The following NPHP1 variants were observed in gnomAD, a reference collection of about 807,000 sequenced individuals.
NPHP1 encodes the protein nephrocystin 1.
A neutral mutation model predicts 90.4 loss-of-function variants in NPHP1; 70 were observed. The ratio of observed to expected loss-of-function variants is 0.77; its 90% CI spans 0.64 to 0.95. The LOEUF (loss-of-function observed/expected upper bound fraction) is 0.95, where lower values mean the gene tolerates loss of function less well. Ranked by LOEUF, NPHP1 falls within the 40% of genes least tolerant of loss-of-function variation. The pLI, the probability that NPHP1 is intolerant of heterozygous loss-of-function variation, is 0.00. For missense variants in NPHP1, 764 were observed against 795.9 expected (o/e 0.96, Z 0.48); for synonymous variants, 256 against 271.7 (o/e 0.94, Z 0.57).
chr2:110,147,826 G>C, intron 13 of NPHP1, 90 bp downstream of exon 13: 1 of 781,020 alleles, frequency 1.3e-6, no homozygotes, highest in Non-Finnish European at 2.3e-6. Flanking sequence ...TACACATAAA[G>C]ACTTCAAGGA....
Position 110,161,061 on chromosome 2 carries a change from G to A in NPHP1, c.954+542C>T, listed in dbSNP as rs562023853. ...TAGGCCTGTGGCCCCAGCTACTCAG[G>A]AAGCTGAAGTGGGAGGGTCGCTTGA... On this transcript the variant is annotated intron_variant, in intron 10 of 19. Coordinates refer to ENST00000445609, the MANE Select transcript of NPHP1 (RefSeq NM_001128178.3). 4.1e-4 allele frequency among the ~76,000 whole-genome samples: 62 copies of A among 152,152 alleles called. No homozygotes were observed. The South Asian group carries it at 0.012, about 31-fold the overall frequency.
At chr2:110,168,653 ATC>A in intron 5 of NPHP1, 100 bp from the exon 6 acceptor site, 1 of 814,498 alleles carries the variant, frequency 1.2e-6, no homozygotes, top group South Asian at 1.5e-5. Flanking sequence ...AAAAGGCAAA[ATC>A]TTTTTTTAAT....
At chr2:110,162,967 G>T in intron 9 of NPHP1, 81 bp downstream of exon 9, 1 of 886,446 alleles carries the variant, frequency 1.1e-6, no homozygotes, top group East Asian at 2.4e-5. Flanking sequence ...TCAACAATGT[G>T]TTTTGCCTGT....
At chr2:110,194,927 T>C (rs187257871) in intron 2 of NPHP1, among the ~76,000 whole-genome samples, 3 of 152,064 alleles carry the variant, frequency 2.0e-5, no homozygotes, top group Non-Finnish European at 4.4e-5. Context: ...TCTCAATAGA[T>C]GCAGAAAAGG....
rs556813753 is a variant in NPHP1 at position 110,131,918 on chromosome 2, A to G, written c.1530-127T>C. 33 of 656,458 alleles carry G rather than the reference A, an allele frequency of 5.0e-5. No individual in the cohort carries two copies. In the African/African-American group the frequency reaches 6.0e-4, roughly 12 times the overall value. 40.7% of individuals were successfully genotyped at this position (656,458 alleles called of 1,614,324 possible). ...TCATTACTGGAACACATTTTTAACTATTTAAAGAAAAATTTCTACTACAAG... is the reference window on the plus strand; with the variant it reads ...TCATTACTGGAACACATTTTTAACTGTTTAAAGAAAAATTTCTACTACAAG... On this transcript the variant is annotated intron_variant, in intron 16 of 19. Transcript: ENST00000445609.
Position 110,205,009 on chromosome 2 carries a change from A to T in NPHP1, c.-41T>A, listed in dbSNP as rs773151782. 7.0e-5 allele frequency: 113 copies of T among 1,608,756 alleles called. 1 individual carries two copies. The Admixed American group carries it at 1.9e-3, about 26-fold the overall frequency. On this transcript the variant is annotated 5_prime_UTR_variant, in exon 1 of 20. Transcript: ENST00000445609. ...GCTCTGATTGCTCCAGTTGCCAGGG[A>T]AACCAACCGGCGGCGCCAGAAGGTG...
At chr2:110,161,161 G>T (rs1235833848) in intron 10 of NPHP1, among the ~76,000 whole-genome samples, 2 of 152,084 alleles carry the variant, frequency 1.3e-5, no homozygotes, top group African/African-American at 2.4e-5. Flanking sequence ...GGGAGACCCT[G>T]TCTCAAAAAT....
At chr2:110,143,477 G>T in intron 16 of NPHP1, 65 bp downstream of exon 16, 1 of 1,094,494 alleles carries the variant, frequency 9.1e-7, no homozygotes, top group Non-Finnish European at 1.4e-6. Context: ...AAAGCCAAAA[G>T]CAGAGATGGT....
chr2:110,179,848 G>A (rs1683765933), intron 2 of NPHP1, among the ~76,000 whole-genome samples, 164 bp from the exon 3 acceptor site: 1 of 152,114 alleles, frequency 6.6e-6, no homozygotes, highest in South Asian at 2.1e-4. Flanking sequence ...TAGCTCAGAT[G>A]ATCCTCATAG....
intron 12 of NPHP1, among the ~76,000 whole-genome samples, chr2:110,148,755 T>C (rs996374365): frequency 6.6e-6 from 1 of 152,204 alleles, no homozygotes; most frequent in African/African-American, 2.4e-5. Flanking sequence ...ACCACTGTTC[T>C]TCATAAACAG....
At chr2:110,175,234 C>T (rs1683425087) in intron 4 of NPHP1, among the ~76,000 whole-genome samples, 1 of 152,046 alleles carries the variant, frequency 6.6e-6, no homozygotes, top group Non-Finnish European at 1.5e-5. Flanking sequence ...TTTTGCTTTA[C>T]ATAATTGAGT....
chr2:110,153,516 A>G (rs2104517703), intron 11 of NPHP1, among the ~76,000 whole-genome samples: 1 of 152,334 alleles, frequency 6.6e-6, no homozygotes, highest in East Asian at 1.9e-4. Flanking sequence ...GGGAAAGTAA[A>G]GAACTAAAGG....
At chr2:110,139,334 A>C (rs1680458317) in intron 16 of NPHP1, among the ~76,000 whole-genome samples, 1 of 152,148 alleles carries the variant, frequency 6.6e-6, no homozygotes, top group Non-Finnish European at 1.5e-5. Flanking sequence ...GTTTATACAC[A>C]TGCTTTTGGT....
Position 110,161,584 on chromosome 2 carries a change from T to C in NPHP1, c.954+19A>G, listed in dbSNP as rs763644910. ...AAATCTGGAAGAGTTACACTTTTACTGATAGTAACTATACTTACAGTGCCT... is the reference window on the plus strand; with the variant it reads ...AAATCTGGAAGAGTTACACTTTTACCGATAGTAACTATACTTACAGTGCCT... On this transcript the variant is annotated intron_variant, in intron 10 of 19. Coordinates refer to ENST00000445609, the MANE Select transcript of NPHP1 (RefSeq NM_001128178.3). The C allele has an allele frequency of 1.4e-6, 2 of 1,480,280 alleles. No individual in the cohort carries two copies. Among genetic ancestry groups the C allele is most frequent in the Non-Finnish European group, 1.9e-6 (2 of 1,060,490 alleles). 91.7% of individuals were successfully genotyped at this position (1,480,280 alleles called of 1,614,324 possible). A position where few individuals can be genotyped will look rare whatever the true frequency, so the allele number is the denominator to read the frequency against.
At position 110,175,307 on chromosome 2, in the gene NPHP1, C is replaced by T. The variant is rs572636364; in HGVS notation, c.329+3116G>A. On this transcript the variant is annotated intron_variant, in intron 4 of 19. Coordinates refer to ENST00000445609, the MANE Select transcript of NPHP1 (RefSeq NM_001128178.3). ...TTATATGTACCCACGTACCCATCTT[C>T]TTCAATCCTTTTTGAAGGTCCAAAT... 1.9e-4 allele frequency among the ~76,000 whole-genome samples: 29 copies of T among 152,262 alleles called. No individual in the cohort carries two copies. In the Middle Eastern group the frequency reaches 0.01, roughly 54 times the overall value.
intron 2 of NPHP1, chr2:110,184,021 C>G: frequency 2.3e-6 from 1 of 437,388 alleles, no homozygotes. Flanking sequence ...GCAGACCCAA[C>G]TGGTAGTTCC....
At chr2:110,167,398 A>G (rs1422241572) in intron 6 of NPHP1, among the ~76,000 whole-genome samples, 3 of 152,090 alleles carry the variant, frequency 2.0e-5, no homozygotes, top group Non-Finnish European at 4.4e-5. Context: ...TGAGTTAATC[A>G]CCAATTGCTA....
chr2:110,135,197 T>C (rs1021709453), intron 16 of NPHP1, among the ~76,000 whole-genome samples: 10 of 151,884 alleles, frequency 6.6e-5, no homozygotes, highest in Admixed American at 2.0e-4. Context: ...CATCAAAAAA[T>C]AGTCAGAAAT....
In NPHP1 at chr2:110,173,077, G is replaced by A. The variant is rs565896445; in HGVS notation, c.330-3079C>T. Among the ~76,000 whole-genome samples, 4 of 149,942 alleles carry A rather than the reference G, an allele frequency of 2.7e-5. No homozygotes were observed. In the East Asian group the frequency reaches 5.9e-4, roughly 22 times the overall value. The stretch of plus-strand genomic sequence containing the variant: ...GGGTTCAAGCGATTCTCCTGCCTCC[G>A]ACTCCCGAGTAGCTGGGACTACAGG... On this transcript the variant is annotated intron_variant, in intron 4 of 19. Coordinates refer to ENST00000445609, the MANE Select transcript of NPHP1 (RefSeq NM_001128178.3).
Sources: allele counts gnomAD v4.1 joint callset (sites outside exome capture counted in the v4.1 genomes callset), GRCh38; gene constraint gnomAD v4.1.1; transcripts MANE v1.5; gene names NCBI Gene and HGNC (gene_info 2026-07-23, HGNC 2026-07-21).